The following HIVEP3 variants were observed in gnomAD, a reference collection of about 807,000 sequenced individuals.
HIVEP3 encodes transcription factor HIVEP3.
HIVEP3 carries 49 observed loss-of-function variants against 152.8 expected under a neutral mutation model. That is an observed-to-expected ratio of 0.32 (90% CI 0.26 to 0.41). The LOEUF (loss-of-function observed/expected upper bound fraction) is 0.41, where lower values mean the gene tolerates loss of function less well. Among genes scored for constraint, HIVEP3 ranks in the 10% least tolerant of loss-of-function variants. The pLI is 1.00. For synonymous variants in HIVEP3, 1,269 were observed against 1,289.0 expected (o/e 0.98, Z 0.33); for missense variants, 2,790 against 3,103.3 (o/e 0.90, Z 2.40).
chr1:41,551,237 TG>T (rs1306852082), intron 5 of HIVEP3, among the ~76,000 whole-genome samples: 1 of 152,234 alleles, frequency 6.6e-6, no homozygotes, highest in Non-Finnish European at 1.5e-5. Flanking sequence ...ACGTTGATCG[TG>T]GTGGATAAGC....
At chr1:41,994,637 T>C (rs557318648) in intron 1 of HIVEP3, among the ~76,000 whole-genome samples, 309 of 152,328 alleles carry the variant, frequency 2.0e-3, no homozygotes, top group South Asian at 0.013. Context: ...GTAAGTTTCC[T>C]GAGGCCTCCC....
chr1:41,714,976 G>C (rs747326603), intron 1 of HIVEP3, among the ~76,000 whole-genome samples: 11 of 152,122 alleles, frequency 7.2e-5, no homozygotes, highest in Non-Finnish European at 1.2e-4. Context: ...ACATGTCCAA[G>C]GTGCAGCCAG....
chr1:41,749,729 T>C (rs1403561577), intron 1 of HIVEP3, among the ~76,000 whole-genome samples: 1 of 139,510 alleles, frequency 7.2e-6, no homozygotes, highest in Non-Finnish European at 1.6e-5. Context: ...CATCTCGCTT[T>C]CTAGCCCCTG....
chr1:41,620,596 C>T (rs1645032934), intron 3 of HIVEP3, among the ~76,000 whole-genome samples: 1 of 152,168 alleles, frequency 6.6e-6, no homozygotes. Context: ...GCAGCTTCCA[C>T]AGCTGCACAC....
At chr1:41,665,740 A>ACACACACACACACACACG (rs1553245977) in intron 2 of HIVEP3, among the ~76,000 whole-genome samples, 8 of 151,530 alleles carry the variant, frequency 5.3e-5, no homozygotes, top group African/African-American at 1.9e-4. Flanking sequence ...ACACACACAC[A>ACACACACACACACACACG]GTCTGGATCT....
At chr1:41,953,498 A>G (rs1220197672) in intron 1 of HIVEP3, among the ~76,000 whole-genome samples, 1 of 152,222 alleles carries the variant, frequency 6.6e-6, no homozygotes, top group Non-Finnish European at 1.5e-5. Context: ...TCCTCAGAAC[A>G]TGTTACTTCT....
intron 5 of HIVEP3, among the ~76,000 whole-genome samples, chr1:41,555,539 A>C (rs1246804135): frequency 6.6e-6 from 1 of 152,118 alleles, no homozygotes; most frequent in Non-Finnish European, 1.5e-5. Flanking sequence ...TGAACCAGGT[A>C]CCTCAGTTGG....
intron 5 of HIVEP3, among the ~76,000 whole-genome samples, chr1:41,538,416 T>G (rs1643450480): frequency 6.6e-6 from 1 of 152,164 alleles, no homozygotes; most frequent in Admixed American, 6.5e-5. Flanking sequence ...TCCAGAAGGA[T>G]TCTTGCTGAT....
upstream of HIVEP3, among the ~76,000 whole-genome samples, chr1:41,919,447 T>C (rs1324472653): frequency 6.6e-6 from 1 of 152,228 alleles, no homozygotes; most frequent in Non-Finnish European, 1.5e-5. Context: ...TCAGGGTCCA[T>C]GTCCACAAAT....
At chr1:41,770,319 C>G (rs1416877939) in intron 1 of HIVEP3, among the ~76,000 whole-genome samples, 2 of 152,088 alleles carry the variant, frequency 1.3e-5, no homozygotes, top group Admixed American at 1.3e-4. Context: ...CAACGTATCT[C>G]CCCCAGAATA....
At chr1:41,678,316 C>G (rs993905844) in intron 2 of HIVEP3, among the ~76,000 whole-genome samples, 1 of 152,192 alleles carries the variant, frequency 6.6e-6, no homozygotes, top group Non-Finnish European at 1.5e-5. Flanking sequence ...CATTAGGCAG[C>G]TGGCCACCAG....
chr1:41,708,717 T>C (rs987604236), intron 1 of HIVEP3, among the ~76,000 whole-genome samples: 7 of 152,236 alleles, frequency 4.6e-5, no homozygotes, highest in African/African-American at 1.7e-4. Flanking sequence ...AGAGCCCTAA[T>C]GGTTTCTGAG....
chr1:41,708,992 A>G (rs1646473865), intron 1 of HIVEP3, among the ~76,000 whole-genome samples: 1 of 152,176 alleles, frequency 6.6e-6, no homozygotes, highest in African/African-American at 2.4e-5. Flanking sequence ...GAGTTAAGGG[A>G]AGCCTTTCTC....
chr1:41,606,565 A>T (rs1056619792), intron 3 of HIVEP3, among the ~76,000 whole-genome samples: 3 of 151,978 alleles, frequency 2.0e-5, no homozygotes, highest in African/African-American at 4.9e-5. Context: ...AAACTTGGTC[A>T]CAAGAAGAAA....
chr1:41,638,463 G>A (rs1416063028), intron 2 of HIVEP3, among the ~76,000 whole-genome samples: 2 of 152,204 alleles, frequency 1.3e-5, no homozygotes, highest in African/African-American at 4.8e-5. Flanking sequence ...GAGATGGATG[G>A]TGGTGATGGG....
chr1:41,581,108 G>C lies in HIVEP3; in HGVS notation c.3690C>G (p.Thr1230=). The change falls in exon 4 of 9, where the codon ACC becomes ACG. Residue 1230 remains threonine (T), a synonymous_variant. Transcript: ENST00000372583. This position sits in a 1 kb window ranked among gnomAD's most constrained non-coding sequence, Gnocchi z 4.5. ...AAAACCCAGAAGACAGTGCTGAGGAGGTCGGGTATGGCATGGGGAGGAAGG... is the reference window on the plus strand; with the variant it reads ...AAAACCCAGAAGACAGTGCTGAGGACGTCGGGTATGGCATGGGGAGGAAGG... ...PPSFLPMPYP[T]SSALSSGFFL... 1.9e-6 allele frequency: 3 copies of C among 1,557,574 alleles called. No individual in the cohort carries two copies. Among genetic ancestry groups the C allele is most frequent in the Non-Finnish European group, 2.6e-6 (3 of 1,150,996 alleles).
chr1:41,834,605 A>G (rs1643068128), intron 1 of HIVEP3, among the ~76,000 whole-genome samples: 6 of 152,158 alleles, frequency 3.9e-5, no homozygotes, highest in African/African-American at 4.8e-5. Context: ...TAGAATTCCA[A>G]TTGTGAGGTT....
chr1:41,685,579 A>G (rs1646102100), intron 2 of HIVEP3, among the ~76,000 whole-genome samples: 1 of 151,830 alleles, frequency 6.6e-6, no homozygotes, highest in African/African-American at 2.4e-5. Flanking sequence ...GCCCAGCTCA[A>G]CTCCCCACGG....
chr1:41,644,558 C>T (rs1162639691), intron 2 of HIVEP3, among the ~76,000 whole-genome samples: 1 of 152,174 alleles, frequency 6.6e-6, no homozygotes, highest in African/African-American at 2.4e-5. Context: ...TCTGCTGCTC[C>T]TGAAAGCCAG....
Sources: gnomAD v4.1 joint callset for allele counts (sites outside exome capture counted in the v4.1 genomes callset) on GRCh38, gnomAD v4.1.1 for gene constraint, Gnocchi (gnomAD v3.1) non-coding constraint, MANE v1.5 for transcripts, NCBI Gene and HGNC (gene_info 2026-07-23, HGNC 2026-07-21) for gene names.